CMTM8: variants seen among roughly 807,000 people sequenced by gnomAD.
CMTM8 encodes the protein CKLF-like MARVEL transmembrane domain-containing protein 8.
In CMTM8, 12 loss-of-function variants were observed where a neutral mutation model predicts 18.6. The observed-to-expected ratio is 0.65, with a 90% CI of 0.41 to 1.05. CMTM8 has a LOEUF of 1.05. Among genes scored for constraint, CMTM8 ranks in the 50% least tolerant of loss-of-function variants. The pLI is 0.00. For synonymous variants in CMTM8, 87 were observed against 90.6 expected (o/e 0.96, Z 0.23); for missense variants, 217 against 227.2 (o/e 0.95, Z 0.29).
intron 1 of CMTM8, among the ~76,000 whole-genome samples, chr3:32,329,711 A>T (rs1696233506): frequency 3.3e-5 from 5 of 152,258 alleles, no homozygotes; most frequent in Admixed American, 3.3e-4. Flanking sequence ...GGAATAGGGC[A>T]AGGATGTCTA....
At chr3:32,260,064 A>C (rs112217656) in intron 1 of CMTM8, 9 of 1,122,986 alleles carry the variant, frequency 8.0e-6, no homozygotes, top group Non-Finnish European at 1.2e-5. Flanking sequence ...CTGGAGGCTG[A>C]GATCGCCAGC....
At chr3:32,319,075 T>TATATATATATATA (rs1553605531) in intron 1 of CMTM8, among the ~76,000 whole-genome samples, 7 of 25,242 alleles carry the variant, frequency 2.8e-4, no homozygotes, top group East Asian at 2.1e-3. Context: ...TATATATATA[T>TATATATATATATA]TTTTTTTTTT....
chr3:32,299,596 C>A (rs116738965), intron 1 of CMTM8, among the ~76,000 whole-genome samples: 1 of 152,044 alleles, frequency 6.6e-6, no homozygotes, highest in Non-Finnish European at 1.5e-5. Context: ...GGTATCTATT[C>A]CCTCATGCAT....
intron 1 of CMTM8, among the ~76,000 whole-genome samples, chr3:32,339,918 G>A (rs991423103): frequency 1.3e-5 from 2 of 152,056 alleles, no homozygotes; most frequent in African/African-American, 2.4e-5. Context: ...AGCCAAGATC[G>A]CACCACTGCA....
At chr3:32,271,362 C>G (rs1204692265) in intron 1 of CMTM8, among the ~76,000 whole-genome samples, 1 of 152,194 alleles carries the variant, frequency 6.6e-6, no homozygotes, top group African/African-American at 2.4e-5. Context: ...TCGGGTGACC[C>G]GCCTACCTAG....
At chr3:32,274,084 C>A (rs1469209356) in intron 1 of CMTM8, among the ~76,000 whole-genome samples, 1 of 151,968 alleles carries the variant, frequency 6.6e-6, no homozygotes, top group East Asian at 1.9e-4. Context: ...CTGAGATAGG[C>A]GAATCACTTG....
chr3:32,293,974 T>C (rs1301304754), intron 1 of CMTM8, among the ~76,000 whole-genome samples: 1 of 152,202 alleles, frequency 6.6e-6, no homozygotes, highest in Non-Finnish European at 1.5e-5. Context: ...GAACTGGGGT[T>C]GCAGGATCAA....
At chr3:32,337,196 G>A (rs1696405978) in intron 1 of CMTM8, among the ~76,000 whole-genome samples, 1 of 152,156 alleles carries the variant, frequency 6.6e-6, no homozygotes, top group Middle Eastern at 3.2e-3. Flanking sequence ...TGCTGCATTT[G>A]AGGACCAAGT....
At chr3:32,299,903 A>G (rs928306942) in intron 1 of CMTM8, among the ~76,000 whole-genome samples, 5 of 152,220 alleles carry the variant, frequency 3.3e-5, no homozygotes, top group African/African-American at 1.2e-4. Flanking sequence ...TAACTCTGCC[A>G]TCATAGTGTG....
intron 1 of CMTM8, among the ~76,000 whole-genome samples, chr3:32,308,233 C>T (rs1251304326): frequency 6.6e-6 from 1 of 152,214 alleles, no homozygotes; most frequent in Non-Finnish European, 1.5e-5. Flanking sequence ...CTGCTTTCCA[C>T]AGCATCAGAA....
rs556656354 is a variant in CMTM8 at position 32,260,839 on chromosome 3, T to C, written c.147+21720T>C. ...GAAAATCATTTTATACTACCCTAGTTCCTAAGAGGGAAACTTTTCAGCTAT... is the reference window on the plus strand; with the variant it reads ...GAAAATCATTTTATACTACCCTAGTCCCTAAGAGGGAAACTTTTCAGCTAT... On this transcript the variant is annotated intron_variant, in intron 1 of 3. Coordinates refer to ENST00000307526, the MANE Select transcript of CMTM8 (RefSeq NM_178868.5). 2.0e-5 allele frequency among the ~76,000 whole-genome samples: 3 copies of C among 152,302 alleles called. No individual in the cohort carries two copies. The East Asian group carries it at 5.8e-4, about 29-fold the overall frequency.
At chr3:32,283,255 T>G (rs1218351104) in intron 1 of CMTM8, among the ~76,000 whole-genome samples, 2 of 152,240 alleles carry the variant, frequency 1.3e-5, no homozygotes, top group African/African-American at 4.8e-5. Context: ...GTCCCTGCTA[T>G]TACTGTTGTT....
At chr3:32,267,697 G>A (rs1200636546) in intron 1 of CMTM8, among the ~76,000 whole-genome samples, 1 of 152,044 alleles carries the variant, frequency 6.6e-6, no homozygotes, top group South Asian at 2.1e-4. Context: ...TTTTCAATCT[G>A]CTCACCTAAC....
intron 1 of CMTM8, among the ~76,000 whole-genome samples, chr3:32,293,638 G>C (rs1702822525): frequency 6.6e-6 from 1 of 152,128 alleles, no homozygotes; most frequent in African/African-American, 2.4e-5. Context: ...CTGAGGTCAG[G>C]AGTTCAAGAC....
intron 1 of CMTM8, among the ~76,000 whole-genome samples, chr3:32,327,997 G>A (rs1161742522): frequency 6.6e-6 from 1 of 152,148 alleles, no homozygotes; most frequent in Non-Finnish European, 1.5e-5. Flanking sequence ...GACTGCTTGA[G>A]CTCAGGGGTT....
chr3:32,284,915 G>A (rs894299303), intron 1 of CMTM8, among the ~76,000 whole-genome samples: 3 of 152,276 alleles, frequency 2.0e-5, no homozygotes, highest in African/African-American at 7.2e-5. Flanking sequence ...AAATGCAGAC[G>A]CAGGATTCAT....
At chr3:32,254,787 A>G (rs924471279) in intron 1 of CMTM8, among the ~76,000 whole-genome samples, 6 of 152,220 alleles carry the variant, frequency 3.9e-5, no homozygotes, top group Admixed American at 3.3e-4. Context: ...CAAAGTATAC[A>G]ACTAAGTGGC....
chr3:32,328,533 G>A (rs1696210731), intron 1 of CMTM8, among the ~76,000 whole-genome samples: 1 of 144,932 alleles, frequency 6.9e-6, no homozygotes. Flanking sequence ...CTTGGCAACA[G>A]AGCAGGACCA....
chr3:32,254,444 G>A (rs1702152359), intron 1 of CMTM8, among the ~76,000 whole-genome samples: 1 of 151,988 alleles, frequency 6.6e-6, no homozygotes. Flanking sequence ...CTGAGAACGT[G>A]TCTTTCAATA....
Sources: allele counts gnomAD v4.1 joint callset (sites outside exome capture counted in the v4.1 genomes callset), GRCh38; gene constraint gnomAD v4.1.1; transcripts MANE v1.5; gene names NCBI Gene and HGNC (gene_info 2026-07-23, HGNC 2026-07-21).